ZFYVE16: variants seen among roughly 807,000 people sequenced by gnomAD.
The protein encoded by ZFYVE16 is zinc finger FYVE-type containing 16.
A neutral mutation model predicts 138.1 loss-of-function variants in ZFYVE16; 89 were observed. The ratio of observed to expected loss-of-function variants is 0.64; its 90% CI spans 0.54 to 0.77. The LOEUF (loss-of-function observed/expected upper bound fraction) is 0.77, where lower values mean the gene tolerates loss of function less well. ZFYVE16 is among the 30% of genes least tolerant of loss of function. ZFYVE16 has a pLI of 0.00. For missense variants in ZFYVE16, 1,793 were observed against 1,786.7 expected (o/e 1.00, Z -0.06); for synonymous variants, 596 against 618.3 (o/e 0.96, Z 0.53).
At chr5:80,422,264 C>T (rs1038992760) in intron 1 of ZFYVE16, among the ~76,000 whole-genome samples, 6 of 152,060 alleles carry the variant, frequency 3.9e-5, no homozygotes, top group African/African-American at 9.7e-5. Context: ...CAAGGCTTTC[C>T]GTATTATGTT....
At chr5:80,426,426 C>T (rs977753829) in intron 1 of ZFYVE16, among the ~76,000 whole-genome samples, 9 of 152,032 alleles carry the variant, frequency 5.9e-5, no homozygotes, top group Admixed American at 5.9e-4. Context: ...ATTATTTATC[C>T]TGATGCTCTC....
At chr5:80,468,798 T>C (rs1420542393) in intron 15 of ZFYVE16, among the ~76,000 whole-genome samples, 2 of 152,186 alleles carry the variant, frequency 1.3e-5, no homozygotes, top group Admixed American at 1.3e-4. Context: ...TATACTCTTA[T>C]TTATAATAAT....
intron 15 of ZFYVE16, among the ~76,000 whole-genome samples, chr5:80,463,421 G>A (rs1753347711): frequency 6.6e-6 from 1 of 151,890 alleles, no homozygotes; most frequent in African/African-American, 2.4e-5. Context: ...GGGACACTGG[G>A]CACCAAGTCC....
intron 1 of ZFYVE16, among the ~76,000 whole-genome samples, chr5:80,423,976 A>C (rs369389593): frequency 8.6e-5 from 12 of 139,856 alleles, no homozygotes; most frequent in Non-Finnish European, 1.7e-4. Flanking sequence ...ATGAAGTTGC[A>C]CTCTTGTTGC....
rs757662729 is a variant in ZFYVE16, at chr5:80,437,147, T to A, written c.462T>A (p.Phe154Leu). The A allele has an allele frequency of 1.9e-6, 3 of 1,614,010 alleles. No homozygotes were observed. The South Asian group carries it at 3.3e-5, about 18-fold the overall frequency. The stretch of plus-strand genomic sequence containing the variant: ...TTAAAAAATTATTGCCAGATGATTT[T>A]AAGTCTAATGCAGATTCCTTGATTG... ...EDIKKLLPDD[F>L]KSNADSLIGL... The change falls in exon 4 of 19, where the codon TTT (phenylalanine) becomes TTA (leucine). Residue 154 changes from phenylalanine to leucine, a missense_variant. By Grantham distance (22) the Phe-to-Leu change is conservative (BLOSUM62 0). This residue lies in a region of ZFYVE16 where 1,295 missense variants were observed against 1,204.3 expected (regional missense o/e 1.08). Transcript: ENST00000505560.
At chr5:80,407,971 G>A (rs2112094264), upstream of ZFYVE16, 1 of 152,486 alleles carries the variant, frequency 6.6e-6, no homozygotes, top group South Asian at 2.1e-4. Flanking sequence ...CGAGGGAGGG[G>A]GCGTGTGAGC....
At chr5:80,457,384 G>C (rs887574116) in intron 14 of ZFYVE16, among the ~76,000 whole-genome samples, 12 of 152,122 alleles carry the variant, frequency 7.9e-5, no homozygotes, top group African/African-American at 2.9e-4. Context: ...TCTGAAATAA[G>C]GTATTTCTTT....
Position 80,448,164 on chromosome 5 carries a change from G to A in ZFYVE16, c.2863G>A (p.Gly955Arg). The A allele has an allele frequency of 3.1e-6, 5 of 1,613,926 alleles. No individual in the cohort carries two copies. In the South Asian group the frequency reaches 5.5e-5, roughly 18 times the overall value. ...AGTGGAAAAATTGTCTATGAACACA[G>A]GAAATGAGGGGTTACCTACTTCTGG... Reference protein sequence around the residue: ...PSVEKLSMNTGNEGLPTSGSF... With the variant: ...PSVEKLSMNTRNEGLPTSGSF... Residue 955 changes from glycine to arginine, a missense_variant, in exon 8 of 19, where the codon GGA becomes AGA. Physicochemically the swap from Gly to Arg is moderately radical, Grantham distance 125. Coordinates refer to ENST00000505560, the MANE Select transcript of ZFYVE16 (RefSeq NM_001284236.3).
rs142594081 is a variant in ZFYVE16, at chr5:80,441,872, G to C, written c.2420-1251G>C. ...TCAGTTTGGAGAAATGCTGAAGGGA[G>C]AGCTATCAGTGTTCCTTATTTTTTG... is the stretch of plus-strand genomic sequence containing the variant. On this transcript the variant is annotated intron_variant, in intron 5 of 18. Coordinates refer to ENST00000505560, the MANE Select transcript of ZFYVE16 (RefSeq NM_001284236.3). The C allele has an allele frequency of 1.1e-4, 104 of 985,346 alleles. No individual in the cohort carries two copies. The African/African-American group carries it at 1.7e-3, about 16-fold the overall frequency. 61.0% of individuals were successfully genotyped at this position (985,346 alleles called of 1,614,324 possible). A position where few individuals can be genotyped will look rare whatever the true frequency, so the allele number is the denominator to read the frequency against.
chr5:80,477,411 A>C lies in ZFYVE16; in HGVS notation c.*34A>C. 1 of 1,576,774 alleles carries C rather than the reference A, an allele frequency of 6.3e-7. No homozygotes were observed. Among genetic ancestry groups the C allele is most frequent in the Non-Finnish European group, 8.6e-7 (1 of 1,165,936 alleles). On this transcript the variant is annotated 3_prime_UTR_variant, in exon 19 of 19. Coordinates refer to ENST00000505560, the MANE Select transcript of ZFYVE16 (RefSeq NM_001284236.3). ...TGTGCCATATTACATATTGCAACCT[A>C]ATTTGTTAAAACTAACTCCAGCACT...
intron 5 of ZFYVE16, chr5:80,441,686 C>CAT (rs3072023): frequency 0.93 from 915,908 of 985,086 alleles, 427,356 homozygotes; most frequent in Non-Finnish European, 0.95. Context: ...AGGAAGCACA[C>CAT]GTGAATATCA....
chr5:80,436,790 A>G lies in ZFYVE16; in HGVS notation c.105A>G (p.Ala35=). The part of the protein sequence containing the change: ...EQDYLQDVQN[A]YDSNHCSVSS... ...ATTATCTCCAAGATGTACAAAATGC[A>G]TATGATTCTAACCACTGCTCAGTTT... Residue 35 remains alanine (A), a synonymous_variant, in exon 4 of 19, where the codon GCA becomes GCG. Coordinates refer to ENST00000505560, the MANE Select transcript of ZFYVE16 (RefSeq NM_001284236.3). 1.2e-6 allele frequency: 2 copies of G among 1,613,898 alleles called. No homozygotes were observed.
rs373630592 is a variant in ZFYVE16, at chr5:80,438,215, G to A, written c.1530G>A (p.Gly510=). ...INTFSSNDMD[G]QDLDYFNIDE... is the part of the protein sequence containing the mutation. ...CTTTTTCAAGCAATGATATGGATGG[G>A]CAAGACTTAGATTACTTTAATATTG... The change falls in exon 4 of 19, where the codon GGG becomes GGA. Residue 510 remains glycine, a synonymous_variant. Transcript: ENST00000505560. 12 of 1,613,972 alleles carry A rather than the reference G, an allele frequency of 7.4e-6. No homozygotes were observed. Among genetic ancestry groups the A allele is most frequent in the Admixed American group, 1.7e-5 (1 of 59,996 alleles).
intron 3 of ZFYVE16, chr5:80,435,767 G>A (rs957296844): frequency 6.7e-5 from 29 of 433,266 alleles, no homozygotes; most frequent in Non-Finnish European, 1.1e-4. Context: ...TACAGATGGG[G>A]TCTCACTGTG....
chr5:80,424,336 C>G (rs1027775003), intron 1 of ZFYVE16, among the ~76,000 whole-genome samples: 4 of 151,992 alleles, frequency 2.6e-5, no homozygotes, highest in African/African-American at 9.7e-5. Flanking sequence ...TTTTTGTTCT[C>G]TATATGTAGT....
intron 15 of ZFYVE16, among the ~76,000 whole-genome samples, chr5:80,461,810 A>G (rs905844962): frequency 4.6e-5 from 7 of 152,082 alleles, no homozygotes; most frequent in African/African-American, 1.7e-4. Flanking sequence ...ATCTCTACTA[A>G]AAATACAAAA....
At position 80,437,103 on chromosome 5, in the gene ZFYVE16, A is replaced by G; in HGVS notation, c.418A>G (p.Thr140Ala). 6.2e-7 allele frequency: 1 copy of G among 1,614,136 alleles called. No individual in the cohort carries two copies. Among genetic ancestry groups the G allele is most frequent in the East Asian group, 2.2e-5 (1 of 44,878 alleles). ...ISDMGNLVHA[T>A]NSEEDIKKLL... ...TGACATGGGTAACTTAGTTCATGCA[A>G]CCAATAGTGAAGAAGATATTAAAAA... Residue 140 changes from threonine (T) to alanine (A), a missense_variant, in exon 4 of 19, where the codon ACC (threonine) becomes GCC (alanine). Physicochemically the swap from Thr to Ala is moderately conservative, Grantham distance 58 (BLOSUM62 0). Coordinates refer to ENST00000505560, the MANE Select transcript of ZFYVE16 (RefSeq NM_001284236.3).
intron 18 of ZFYVE16, 57 bp from the exon 19 acceptor site, chr5:80,477,162 C>A: frequency 7.3e-7 from 1 of 1,374,838 alleles, no homozygotes; most frequent in Non-Finnish European, 9.8e-7. Flanking sequence ...TTTATATTCA[C>A]ATTCCGAGTT....
chr5:80,417,215 G>A (rs1746385379), intron 1 of ZFYVE16, among the ~76,000 whole-genome samples: 2 of 152,120 alleles, frequency 1.3e-5, no homozygotes, highest in South Asian at 2.1e-4. Context: ...TAGAGTGCCT[G>A]TCTTTTCTTT....
Sources: gnomAD v4.1 joint callset for allele counts (sites outside exome capture counted in the v4.1 genomes callset) on GRCh38, gnomAD v4.1.1 for gene constraint, gnomAD v4.1.1 regional missense constraint, MANE v1.5 for transcripts, NCBI Gene and HGNC (gene_info 2026-07-23, HGNC 2026-07-21) for gene names.